The following AMBRA1 variants were observed in gnomAD, a reference collection of about 807,000 sequenced individuals.
AMBRA1 encodes the protein autophagy and beclin 1 regulator 1.
In AMBRA1, 47 loss-of-function variants were observed where a neutral mutation model predicts 125.4. That is an observed-to-expected ratio of 0.37 (90% CI 0.30 to 0.48). The LOEUF (loss-of-function observed/expected upper bound fraction) is 0.48, where lower values mean the gene tolerates loss of function less well. Among genes scored for constraint, AMBRA1 ranks in the 20% least tolerant of loss-of-function variants. The pLI is 0.99. For synonymous variants in AMBRA1, 626 were observed against 655.5 expected (o/e 0.95, Z 0.69); for missense variants, 1,331 against 1,693.4 (o/e 0.79, Z 3.76).
chr11:46,593,983 G>A lies in AMBRA1; in HGVS notation c.-276C>T, dbSNP rs558939498. The A allele has an allele frequency of 4.9e-4, 197 of 398,480 alleles. No homozygotes were observed. The highest frequency in any genetic ancestry group is 7.8e-4 in the Non-Finnish European group (177 of 226,108). The allele number at this position is 398,480 out of a possible 1,614,324, so 24.7% of individuals were successfully genotyped here. ...GGGCCTCGCGGACAACTCAGCCCTC[G>A]ACCCGGCGCCGCCGCCGCTCAGGAG... is the stretch of plus-strand genomic sequence containing the variant. On this transcript the variant is annotated 5_prime_UTR_variant, in exon 1 of 18. Transcript: ENST00000683756.
intron 9 of AMBRA1, among the ~76,000 whole-genome samples, chr11:46,501,246 A>G (rs1950826224): frequency 6.6e-6 from 1 of 152,210 alleles, no homozygotes; most frequent in African/African-American, 2.4e-5. Flanking sequence ...ACACTTCCCC[A>G]TGTCTGTGTG....
At chr11:46,452,896 T>C (rs928088114) in intron 11 of AMBRA1, among the ~76,000 whole-genome samples, 4 of 152,308 alleles carry the variant, frequency 2.6e-5, no homozygotes, top group Non-Finnish European at 5.9e-5. Context: ...TATATGTGTG[T>C]CTGTCTGTTT....
chr11:46,531,470 G>A (rs1349232949), intron 7 of AMBRA1, among the ~76,000 whole-genome samples: 1 of 152,024 alleles, frequency 6.6e-6, no homozygotes, highest in Non-Finnish European at 1.5e-5. Flanking sequence ...AGCACTTTGG[G>A]AGGCCAAGGT....
chr11:46,443,655 CA>C (rs2136753317), intron 11 of AMBRA1, 57 bp from the exon 12 acceptor site: 1 of 1,428,046 alleles, frequency 7.0e-7, no homozygotes, highest in African/African-American at 1.4e-5. Flanking sequence ...GTTTCCACTG[CA>C]AAACATAAAA....
chr11:46,519,202 T>G (rs1951651704), intron 7 of AMBRA1, among the ~76,000 whole-genome samples: 1 of 152,200 alleles, frequency 6.6e-6, no homozygotes. Flanking sequence ...TTTTGTATTT[T>G]TAGTAGAGAC....
intron 15 of AMBRA1, among the ~76,000 whole-genome samples, chr11:46,413,998 A>G (rs1946415717): frequency 6.6e-6 from 1 of 151,800 alleles, no homozygotes; most frequent in Non-Finnish European, 1.5e-5. Flanking sequence ...GTGGGCTTCC[A>G]CCTCACACCT....
chr11:46,399,577 C>T (rs1005424610), intron 17 of AMBRA1, among the ~76,000 whole-genome samples: 5 of 152,128 alleles, frequency 3.3e-5, no homozygotes, highest in Admixed American at 6.6e-5. Context: ...GTTGGCCAGG[C>T]TGCTCTCGAC....
chr11:46,409,805 C>A (rs111513238), intron 16 of AMBRA1, among the ~76,000 whole-genome samples: 1 of 152,240 alleles, frequency 6.6e-6, no homozygotes, highest in African/African-American at 2.4e-5. Context: ...AACAACCCAG[C>A]GCTTTGTTCC....
At chr11:46,447,741 T>C (rs1337441745) in intron 11 of AMBRA1, among the ~76,000 whole-genome samples, 1 of 150,462 alleles carries the variant, frequency 6.6e-6, no homozygotes, top group Non-Finnish European at 1.5e-5. Context: ...GATAGATAGA[T>C]AGATAGATAG....
At chr11:46,447,702 C>T (rs1948362303) in intron 11 of AMBRA1, among the ~76,000 whole-genome samples, 1 of 149,484 alleles carries the variant, frequency 6.7e-6, no homozygotes, top group South Asian at 2.1e-4. Flanking sequence ...AGAGCCAGAC[C>T]ATCTTGTAGA....
chr11:46,467,789 G>A (rs560157097), intron 11 of AMBRA1, among the ~76,000 whole-genome samples: 43 of 152,220 alleles, frequency 2.8e-4, no homozygotes, highest in African/African-American at 9.6e-4. Context: ...CCAAAGTGCT[G>A]GGATTATAGG....
chr11:46,435,278 G>A (rs1947667782), intron 12 of AMBRA1, among the ~76,000 whole-genome samples: 1 of 152,186 alleles, frequency 6.6e-6, no homozygotes, highest in South Asian at 2.1e-4. Flanking sequence ...ACAACCACCT[G>A]CTGAGTCTTA....
At chr11:46,477,012 G>A (rs1235692137) in intron 11 of AMBRA1, among the ~76,000 whole-genome samples, 2 of 151,848 alleles carry the variant, frequency 1.3e-5, no homozygotes, top group African/African-American at 4.8e-5. Context: ...TAGGTAGGCT[G>A]AGGCATGAGA....
rs147515391 is a variant in AMBRA1, at chr11:46,503,996, G to A, written c.2339+4195C>T. On this transcript the variant is annotated intron_variant, in intron 9 of 17. Coordinates refer to ENST00000683756, the MANE Select transcript of AMBRA1 (RefSeq NM_001387011.1). ...TTACAGGTGTGAGCTGCCACACCCG[G>A]CTCTAGCAACAGTTTTCAAGAAGCT... Among the ~76,000 whole-genome samples, 519 of 152,238 alleles carry A rather than the reference G, an allele frequency of 3.4e-3. 2 individuals are homozygous for A. Among genetic ancestry groups the A allele is most frequent in the African/African-American group, 0.012 (501 of 41,524 alleles).
intron 7 of AMBRA1, among the ~76,000 whole-genome samples, chr11:46,538,621 C>T (rs914412327): frequency 5.9e-5 from 9 of 152,014 alleles, no homozygotes; most frequent in Non-Finnish European, 8.8e-5. Flanking sequence ...CAGCCTCCCA[C>T]GTAGCTAGGA....
chr11:46,539,384 T>C (rs1270393970), intron 7 of AMBRA1, among the ~76,000 whole-genome samples: 1 of 151,604 alleles, frequency 6.6e-6, no homozygotes, highest in Non-Finnish European at 1.5e-5. Context: ...ATGGAGAAAA[T>C]CCGTCTCTAC....
chr11:46,591,595 A>C (rs1383197420), intron 1 of AMBRA1, among the ~76,000 whole-genome samples: 1 of 152,032 alleles, frequency 6.6e-6, no homozygotes, highest in Non-Finnish European at 1.5e-5. Flanking sequence ...GGTGGCTCAT[A>C]CCTGTAATCC....
chr11:46,542,467 T>TA lies in AMBRA1; in HGVS notation c.1549_1550insT (p.Asp517ValfsTer21). 6.2e-7 allele frequency: 1 copy of TA among 1,613,926 alleles called. No homozygotes were observed. Among genetic ancestry groups the TA allele is most frequent in the Non-Finnish European group, 8.5e-7 (1 of 1,180,006 alleles). On this transcript the variant is annotated frameshift_variant, in exon 7 of 18. Transcript: ENST00000683756. LOFTEE classifies it high-confidence loss of function. The surrounding 1 kb of genome is among the most constrained non-coding windows in gnomAD (Gnocchi z 5.9). ...GGGAGCTTCCCCACTCAGGCTCTGA[T>TA]CCAGCTCCTGAAGCCGGTCATACTC...
At chr11:46,411,613 T>C (rs1472528193) in intron 15 of AMBRA1, among the ~76,000 whole-genome samples, 1 of 152,126 alleles carries the variant, frequency 6.6e-6, no homozygotes, top group East Asian at 1.9e-4. Flanking sequence ...AGATTGCAGA[T>C]GTGTGCCACC....
Sources: gnomAD v4.1 joint callset for allele counts (sites outside exome capture counted in the v4.1 genomes callset) on GRCh38, gnomAD v4.1.1 for gene constraint, Gnocchi (gnomAD v3.1) non-coding constraint, MANE v1.5 for transcripts, NCBI Gene and HGNC (gene_info 2026-07-23, HGNC 2026-07-21) for gene names.